The following BOK variants were observed in gnomAD, a reference collection of about 807,000 sequenced individuals.
BOK encodes bcl-2-related ovarian killer protein.
BOK carries 20 observed loss-of-function variants against 18.3 expected under a neutral mutation model. The observed-to-expected ratio is 1.09, with a 90% CI of 0.77 to 1.59. The LOEUF (loss-of-function observed/expected upper bound fraction) is 1.59. Among genes scored for constraint, BOK ranks in the 40% most tolerant of loss-of-function variants. The probability of loss-of-function intolerance (pLI) is 0.00; values close to 1 mark genes in which losing one functional copy is unlikely to be tolerated. For synonymous variants in BOK, 173 were observed against 142.4 expected (o/e 1.21, Z -1.53); for missense variants, 348 against 307.9 (o/e 1.13, Z -0.97).
chr2:241,564,903 G>A (rs1292692965), intron 3 of BOK, among the ~76,000 whole-genome samples: 3 of 152,226 alleles, frequency 2.0e-5, no homozygotes, highest in Admixed American at 2.0e-4. Context: ...TCCCCCTTCG[G>A]CAGGGAGAGA....
intron 2 of BOK, chr2:241,559,963 G>C: frequency 1.4e-6 from 1 of 709,108 alleles, no homozygotes; most frequent in Non-Finnish European, 1.7e-6. Context: ...GCTCCAGAAA[G>C]AATAATCTAT....
At chr2:241,557,308 CTTTTTT>C (rs59048690), upstream of BOK, among the ~76,000 whole-genome samples, 2 of 126,746 alleles carry the variant, frequency 1.6e-5, no homozygotes, top group African/African-American at 2.9e-5. Context: ...TTTCTTTTTC[CTTTTTT>C]TTTTTTTTTT....
rs1266068181 is a variant in BOK, at chr2:241,572,639, G to C, written c.*217G>C. 10 of 648,240 alleles carry C rather than the reference G, an allele frequency of 1.5e-5. No homozygotes were observed. In the Admixed American group the frequency reaches 2.7e-4, roughly 17 times the overall value. The allele number at this position is 648,240 out of a possible 1,614,324, so 40.2% of individuals were successfully genotyped here. ...GGAGCTGGGCTTTGGGGCAGCCTGCGACCCTCCCCGCTTGTGTCCCTTCTC... is the reference window on the plus strand; with the variant it reads ...GGAGCTGGGCTTTGGGGCAGCCTGCCACCCTCCCCGCTTGTGTCCCTTCTC... On this transcript the variant is annotated 3_prime_UTR_variant, in exon 5 of 5. Coordinates refer to ENST00000318407, the MANE Select transcript of BOK (RefSeq NM_032515.5).
intron 4 of BOK, among the ~76,000 whole-genome samples, chr2:241,571,972 G>C (rs1176675254): frequency 6.6e-6 from 1 of 152,192 alleles, no homozygotes; most frequent in African/African-American, 2.4e-5. Flanking sequence ...CTGGCACCCT[G>C]GTCTGGATGT....
intron 3 of BOK, among the ~76,000 whole-genome samples, chr2:241,566,074 C>T (rs1045250063): frequency 4.0e-5 from 6 of 151,874 alleles, no homozygotes; most frequent in African/African-American, 9.7e-5. Context: ...CACCTGAGGT[C>T]GGGAGTTTGA....
At chr2:241,555,613 G>A (rs2066445598), upstream of BOK, among the ~76,000 whole-genome samples, 1 of 152,162 alleles carries the variant, frequency 6.6e-6, no homozygotes, top group Non-Finnish European at 1.5e-5. Context: ...CTAACCTCAG[G>A]TGATCCACAT....
intron 3 of BOK, among the ~76,000 whole-genome samples, chr2:241,565,268 A>G (rs1408401903): frequency 7.1e-6 from 1 of 141,506 alleles, no homozygotes; most frequent in Non-Finnish European, 1.5e-5. Context: ...ACCTGCTGCT[A>G]CTCTGAGGCG....
rs2066763390 is a variant in BOK at position 241,573,983 on chromosome 2, C to T, written c.*1561C>T. 6.6e-6 allele frequency: 1 copy of T among 152,306 alleles called. No homozygotes were observed. Among genetic ancestry groups the T allele is most frequent in the Non-Finnish European group, 1.5e-5 (1 of 68,116 alleles). 9.4% of individuals were successfully genotyped at this position (152,306 alleles called of 1,614,324 possible). On this transcript the variant is annotated 3_prime_UTR_variant, in exon 5 of 5. Transcript: ENST00000318407. ...TGGCCTAGCAGCCACCCACCTGAGCCCTCCCGGCCAGGCTTCGTGCTGGGG... is the reference window on the plus strand; with the variant it reads ...TGGCCTAGCAGCCACCCACCTGAGCTCTCCCGGCCAGGCTTCGTGCTGGGG...
chr2:241,559,390 G>C, intron 1 of BOK, 65 bp from the exon 2 acceptor site: 1 of 1,081,360 alleles, frequency 9.2e-7, no homozygotes. Context: ...CGCCCAGCCC[G>C]GCGCCCCGCG....
upstream of BOK, among the ~76,000 whole-genome samples, chr2:241,554,332 A>AG (rs11404328): frequency 0.5 from 76,701 of 152,046 alleles, 19,623 homozygotes; most frequent in Admixed American, 0.6. Context: ...CCCAAGCCTG[A>AG]GGGCTGGCTT....
At chr2:241,566,359 T>G (rs1575000624) in intron 3 of BOK, among the ~76,000 whole-genome samples, 1 of 149,160 alleles carries the variant, frequency 6.7e-6, no homozygotes, top group Admixed American at 6.7e-5. Flanking sequence ...GGTGCAATGG[T>G]GCGATCTCGG....
chr2:241,571,226 A>C (rs2066713546), intron 4 of BOK, among the ~76,000 whole-genome samples: 1 of 148,822 alleles, frequency 6.7e-6, no homozygotes, highest in Non-Finnish European at 1.5e-5. Flanking sequence ...CCGAGTGGGA[A>C]AAGCAAGGCC....
intron 3 of BOK, among the ~76,000 whole-genome samples, chr2:241,565,389 C>T (rs925751810): frequency 2.6e-5 from 4 of 152,192 alleles, no homozygotes; most frequent in Non-Finnish European, 4.4e-5. Context: ...TAGGGCAGGG[C>T]CGCCCCTTCT....
chr2:241,562,550 C>T lies in BOK; in HGVS notation c.349+74C>T. On this transcript the variant is annotated intron_variant, in intron 3 of 4. Transcript: ENST00000318407. The surrounding 1 kb of genome is among the most constrained non-coding windows in gnomAD (Gnocchi z 4.5). ...TCTGTGGCTCAGGCTCACAGGGACC[C>T]CACGAGCTGGCCCCCACCCATCCTG... The T allele has an allele frequency of 1.3e-6, 2 of 1,506,794 alleles. No individual in the cohort carries two copies. Among genetic ancestry groups the T allele is most frequent in the Non-Finnish European group, 1.8e-6 (2 of 1,130,318 alleles). 93.3% of individuals were successfully genotyped at this position (1,506,794 alleles called of 1,614,324 possible).
rs139883812 is a variant in BOK, at chr2:241,566,448, G to A, written c.350-3677G>A. 4.8e-3 allele frequency among the ~76,000 whole-genome samples: 710 copies of A among 148,442 alleles called. 7 individuals carry two copies. Among genetic ancestry groups the A allele is most frequent in the African/African-American group, 0.016 (668 of 40,534 alleles). On this transcript the variant is annotated intron_variant, in intron 3 of 4. Transcript: ENST00000318407. Reference sequence around the variant, plus strand: ...CGAGTAGCTGGGATTACAGGTATGTGCCACCACGCCTAGCTAATTTTTGTA... The same window carrying A: ...CGAGTAGCTGGGATTACAGGTATGTACCACCACGCCTAGCTAATTTTTGTA...
At chr2:241,565,121 A>G (rs1283081021) in intron 3 of BOK, among the ~76,000 whole-genome samples, 2 of 152,112 alleles carry the variant, frequency 1.3e-5, no homozygotes, top group African/African-American at 4.8e-5. Flanking sequence ...GGCTATGTGT[A>G]GAGTTCAGTT....
intron 2 of BOK, chr2:241,560,029 C>T: frequency 1.0e-6 from 1 of 972,652 alleles, no homozygotes; most frequent in East Asian, 1.1e-4. Flanking sequence ...CACAGAAACC[C>T]TTTGTAGGAG....
chr2:241,559,463 C>T lies in BOK; in HGVS notation c.-21C>T, dbSNP rs2066490972. 6 of 1,440,632 alleles carry T rather than the reference C, an allele frequency of 4.2e-6. No individual in the cohort carries two copies. Among genetic ancestry groups the T allele is most frequent in the Non-Finnish European group, 4.5e-6 (5 of 1,099,836 alleles). The allele number at this position is 1,440,632 out of a possible 1,614,324, so 89.2% of individuals were successfully genotyped here. On this transcript the variant is annotated 5_prime_UTR_variant, in exon 2 of 5. Coordinates refer to ENST00000318407, the MANE Select transcript of BOK (RefSeq NM_032515.5). Reference sequence around the variant, plus strand: ...AGCGCTTGTGCCCGCAGGTGCGGCGCCCCCCACCCGCGTCGCCGCCATGGA... The same window carrying T: ...AGCGCTTGTGCCCGCAGGTGCGGCGTCCCCCACCCGCGTCGCCGCCATGGA...
chr2:241,572,598 G>T lies in BOK; in HGVS notation c.*176G>T. 2.1e-6 allele frequency: 2 copies of T among 975,382 alleles called. No homozygotes were observed. Among genetic ancestry groups the T allele is most frequent in the Admixed American group, 5.6e-5 (2 of 35,762 alleles). 60.4% of individuals were successfully genotyped at this position (975,382 alleles called of 1,614,324 possible). ...CCCTCCGGAAGGGGTGAGTGGGGAGGGGCTTTCCTGAGCCTGGAGCTGGGC... is the reference window on the plus strand; with the variant it reads ...CCCTCCGGAAGGGGTGAGTGGGGAGTGGCTTTCCTGAGCCTGGAGCTGGGC... On this transcript the variant is annotated 3_prime_UTR_variant, in exon 5 of 5. Transcript: ENST00000318407.
Sources: allele counts gnomAD v4.1 joint callset (sites outside exome capture counted in the v4.1 genomes callset), GRCh38; gene constraint gnomAD v4.1.1; non-coding constraint Gnocchi (gnomAD v3.1); transcripts MANE v1.5; gene names NCBI Gene and HGNC (gene_info 2026-07-23, HGNC 2026-07-21).